The following EML5 variants were observed in gnomAD, a reference collection of about 807,000 sequenced individuals.
EML5 encodes the protein echinoderm microtubule-associated protein-like 5.
EML5 carries 120 observed loss-of-function variants against 250.0 expected under a neutral mutation model. The observed-to-expected ratio is 0.48, with a 90% CI of 0.41 to 0.56. The LOEUF is 0.56. Ranked by LOEUF, EML5 falls within the 20% of genes least tolerant of loss-of-function variation. The probability of loss-of-function intolerance (pLI) is 0.00; values close to 1 mark genes in which losing one functional copy is unlikely to be tolerated. For synonymous variants in EML5, 771 were observed against 806.5 expected (o/e 0.96, Z 0.75); for missense variants, 2,006 against 2,437.6 (o/e 0.82, Z 3.73).
At chr14:88,652,919 T>C (rs2140841351) in intron 27 of EML5, among the ~76,000 whole-genome samples, 1 of 152,214 alleles carries the variant, frequency 6.6e-6, no homozygotes, top group East Asian at 1.9e-4. Context: ...ATTGATTTTT[T>C]CCTATCCATG....
At chr14:88,632,440 A>C (rs2090491544) in intron 33 of EML5, among the ~76,000 whole-genome samples, 1 of 152,172 alleles carries the variant, frequency 6.6e-6, no homozygotes, top group Non-Finnish European at 1.5e-5. Context: ...CTCTGCACTT[A>C]GCATGAATCC....
At position 88,658,912 on chromosome 14, in the gene EML5, C is replaced by T. The variant is rs572413126; in HGVS notation, c.3676-524G>A. On this transcript the variant is annotated intron_variant, in intron 25 of 43. Transcript: ENST00000554922. ...GAGAAAGGATACACATGCCTATGTA[C>T]AGCATGAGTATGTTAACAAAAAGTA... Among the ~76,000 whole-genome samples the T allele has an allele frequency of 3.3e-5, 5 of 152,192 alleles. No homozygotes were observed. In the East Asian group the frequency reaches 9.6e-4, roughly 29 times the overall value.
intron 1 of EML5, among the ~76,000 whole-genome samples, chr14:88,771,828 C>T (rs2094396149): frequency 6.6e-6 from 1 of 152,154 alleles, no homozygotes; most frequent in African/African-American, 2.4e-5. Flanking sequence ...GTTTATCAGC[C>T]CTTCCTTCTC....
At chr14:88,633,150 C>G (rs1486293707) in intron 33 of EML5, among the ~76,000 whole-genome samples, 1 of 152,206 alleles carries the variant, frequency 6.6e-6, no homozygotes, top group Non-Finnish European at 1.5e-5. Context: ...CCTCAGCTAT[C>G]TACTCCTGGC....
chr14:88,776,827 G>T (rs1389061881), intron 1 of EML5, among the ~76,000 whole-genome samples: 2 of 152,114 alleles, frequency 1.3e-5, no homozygotes, highest in African/African-American at 4.8e-5. Context: ...GTTGCAGTGA[G>T]CTGAGATTAT....
At chr14:88,622,525 G>T in intron 37 of EML5, 79 bp downstream of exon 37, 2 of 1,123,610 alleles carry the variant, frequency 1.8e-6, no homozygotes, top group Non-Finnish European at 1.2e-6. Flanking sequence ...TGTTCATTAG[G>T]CTGCAAAGGG....
Position 88,688,443 on chromosome 14 carries a change from A to G in EML5, c.2570T>C (p.Ile857Thr). 1.2e-6 allele frequency: 2 copies of G among 1,613,958 alleles called. No individual in the cohort carries two copies. The highest frequency in any genetic ancestry group is 2.2e-5 in the East Asian group (1 of 44,880). ...GGGLIGRKGY[I>T]GTLGKNDTMM... Reference sequence around the variant, plus strand: ...TGTGTCATTTTTCCCCAGTGTGCCTATGTAGCCTTTTCTTCCAATCAATCC... The same window carrying G: ...TGTGTCATTTTTCCCCAGTGTGCCTGTGTAGCCTTTTCTTCCAATCAATCC... The change falls in exon 18 of 44, where the codon ATA becomes ACA. Residue 857 changes from isoleucine to threonine, a missense_variant. Coordinates refer to ENST00000554922, the MANE Select transcript of EML5 (RefSeq NM_183387.3).
chr14:88,615,914 T>TTAA, intron 43 of EML5, 60 bp from the exon 44 acceptor site: 1 of 1,552,916 alleles, frequency 6.4e-7, no homozygotes, highest in Non-Finnish European at 8.7e-7. Context: ...TCATAACAGT[T>TTAA]TAATATTTTT....
At position 88,620,727 on chromosome 14, in the gene EML5, G is replaced by A; in HGVS notation, c.5375+27C>T. ...TGGAAGTTAAATCAAGTATATACTA[G>A]AAACTCTATTCCATTTGTTCACTAA... is the stretch of plus-strand genomic sequence containing the variant. On this transcript the variant is annotated intron_variant, in intron 39 of 43. Coordinates refer to ENST00000554922, the MANE Select transcript of EML5 (RefSeq NM_183387.3). The surrounding 1 kb of genome is among the most constrained non-coding windows in gnomAD (Gnocchi z 4.3). 1.3e-6 allele frequency: 2 copies of A among 1,516,534 alleles called. No individual in the cohort carries two copies. Among genetic ancestry groups the A allele is most frequent in the Non-Finnish European group, 1.8e-6 (2 of 1,138,146 alleles). 93.9% of individuals were successfully genotyped at this position (1,516,534 alleles called of 1,614,324 possible).
chr14:88,712,442 G>C lies in EML5; in HGVS notation c.1486C>G (p.His496Asp). The C allele has an allele frequency of 3.1e-6, 5 of 1,613,496 alleles. No homozygotes were observed. The highest frequency in any genetic ancestry group is 4.2e-6 in the Non-Finnish European group (5 of 1,179,646). ...VTSTEEIKGV[H>D]WASWTCVSGL... Reference sequence around the variant, plus strand: ...GAAACACATGTCCATGAAGCCCAATGAACACCTTTTATTTCTTCTGTACTT... The same window carrying C: ...GAAACACATGTCCATGAAGCCCAATCAACACCTTTTATTTCTTCTGTACTT... The change falls in exon 10 of 44, where the codon CAT becomes GAT. Residue 496 changes from histidine (H) to aspartate (D), a missense_variant. His to Asp is a moderately conservative substitution (Grantham distance 81). Around this residue, in one of 7 missense-constraint regions of EML5, gnomAD observed 1,375 missense variants for 1,590.3 expected, o/e 0.86. Transcript: ENST00000554922.
chr14:88,664,093 T>C (rs1334979240), intron 23 of EML5, among the ~76,000 whole-genome samples: 1 of 150,702 alleles, frequency 6.6e-6, no homozygotes, highest in East Asian at 2.0e-4. Context: ...GCCTGGGCAA[T>C]ATAGTGAGAA....
At chr14:88,780,565 T>TA (rs1344560574) in intron 1 of EML5, among the ~76,000 whole-genome samples, 1 of 151,142 alleles carries the variant, frequency 6.6e-6, no homozygotes, top group Non-Finnish European at 1.5e-5. Context: ...TTGATGTTTA[T>TA]AAAAAATCTT....
intron 10 of EML5, among the ~76,000 whole-genome samples, chr14:88,708,323 T>C (rs1010180781): frequency 2.6e-5 from 4 of 152,288 alleles, no homozygotes; most frequent in African/African-American, 9.6e-5. Context: ...GAATTCTCTG[T>C]GATTACCCCT....
chr14:88,622,035 C>T (rs957851234), intron 37 of EML5: 5 of 329,918 alleles, frequency 1.5e-5, no homozygotes, highest in East Asian at 7.5e-5. Context: ...CCCCCTCCCC[C>T]TCCCCCTTGT....
chr14:88,716,914 AT>A (rs1300755382), intron 8 of EML5, among the ~76,000 whole-genome samples: 5 of 152,204 alleles, frequency 3.3e-5, no homozygotes, highest in Non-Finnish European at 7.3e-5. Flanking sequence ...TTAGATGAAA[AT>A]TTGTTAATTT....
chr14:88,618,142 T>C (rs1019290686), intron 41 of EML5, 86 bp downstream of exon 41: 4 of 1,092,862 alleles, frequency 3.7e-6, no homozygotes, highest in East Asian at 2.5e-5. Flanking sequence ...CTATTCCTTA[T>C]TGGAATGGCT....
Position 88,792,736 on chromosome 14 carries a change from G to A in EML5, c.-233C>T. On this transcript the variant is annotated 5_prime_UTR_variant, in exon 1 of 44. Transcript: ENST00000554922. This position sits in a 1 kb window ranked among gnomAD's most constrained non-coding sequence, Gnocchi z 6.9. ...CTGAGGGCCGCGAGCGCCGCCGGCT[G>A]TCAAGTGGATGCCCAGAGCCCTTCG... 9.3e-7 allele frequency: 1 copy of A among 1,079,792 alleles called. No individual in the cohort carries two copies. Among genetic ancestry groups the A allele is most frequent in the Non-Finnish European group, 1.1e-6 (1 of 891,978 alleles). 66.9% of individuals were successfully genotyped at this position (1,079,792 alleles called of 1,614,324 possible). A position where few individuals can be genotyped will look rare whatever the true frequency, so the allele number is the denominator to read the frequency against.
At chr14:88,775,149 G>C (rs941945323) in intron 1 of EML5, among the ~76,000 whole-genome samples, 5 of 152,138 alleles carry the variant, frequency 3.3e-5, no homozygotes, top group African/African-American at 9.6e-5. Context: ...GTGAGCCTCT[G>C]AGGCTTGCTG....
At chr14:88,737,635 G>C (rs1203932952) in intron 6 of EML5, among the ~76,000 whole-genome samples, 4 of 152,214 alleles carry the variant, frequency 2.6e-5, no homozygotes, top group Non-Finnish European at 4.4e-5. Context: ...TCTTAGATGT[G>C]AGACAGAAGA....
Sources: gnomAD v4.1 joint callset for allele counts (sites outside exome capture counted in the v4.1 genomes callset) on GRCh38, gnomAD v4.1.1 for gene constraint, gnomAD v4.1.1 regional missense constraint, Gnocchi (gnomAD v3.1) non-coding constraint, MANE v1.5 for transcripts, NCBI Gene and HGNC (gene_info 2026-07-23, HGNC 2026-07-21) for gene names.